Variants in CPQ observed in about 807,000 individuals in gnomAD.
CPQ encodes the protein carboxypeptidase Q.
A neutral mutation model predicts 45.7 loss-of-function variants in CPQ; 37 were observed. The observed-to-expected ratio is 0.81, with a 90% CI of 0.62 to 1.07. The LOEUF is 1.07. CPQ is among the 50% of genes least tolerant of loss of function. The pLI is 0.00. For missense variants in CPQ, 537 were observed against 572.9 expected, an observed-to-expected ratio of 0.94 and a Z score of 0.64; for synonymous variants, 186 against 205.8, an observed-to-expected ratio of 0.90 and a Z score of 0.82.
At chr8:97,050,524 A>G (rs989476871) in intron 6 of CPQ, among the ~76,000 whole-genome samples, 3 of 152,194 alleles carry the variant, frequency 2.0e-5, no homozygotes, top group African/African-American at 7.2e-5. Context: ...GAAATATGGT[A>G]TTTTATCTTT....
chr8:96,839,270 A>G (rs1205592098), intron 3 of CPQ, among the ~76,000 whole-genome samples: 2 of 151,992 alleles, frequency 1.3e-5, no homozygotes, highest in African/African-American at 4.8e-5. Flanking sequence ...TCCTGAAAAA[A>G]TGTCCATTGC....
chr8:97,019,109 A>G (rs1809630667), intron 5 of CPQ, among the ~76,000 whole-genome samples: 1 of 152,198 alleles, frequency 6.6e-6, no homozygotes, highest in Non-Finnish European at 1.5e-5. Context: ...TCAGCCAAGA[A>G]TTTTGTACCC....
intron 1 of CPQ, among the ~76,000 whole-genome samples, chr8:96,713,512 C>T (rs758121329): frequency 1.3e-5 from 2 of 152,188 alleles, no homozygotes; most frequent in African/African-American, 2.4e-5. Context: ...CATCCTTCTT[C>T]ACATGGTGCC....
Position 97,143,461 on chromosome 8 carries a change from T to G in CPQ, c.*278T>G, listed in dbSNP as rs1259297617. ...CACCTCTTAAAAACATTGTTTCCAC[T>G]TTAAAAGTAAACACTTAATAAATTT... On this transcript the variant is annotated 3_prime_UTR_variant, in exon 8 of 8. Transcript: ENST00000220763. 3.2e-5 allele frequency: 8 copies of G among 247,458 alleles called. No homozygotes were observed. The highest frequency in any genetic ancestry group is 1.5e-4 in the Admixed American group (3 of 19,630). 15.3% of individuals were successfully genotyped at this position (247,458 alleles called of 1,614,324 possible).
At chr8:96,706,910 G>A (rs1809536915) in intron 1 of CPQ, among the ~76,000 whole-genome samples, 1 of 152,126 alleles carries the variant, frequency 6.6e-6, no homozygotes. Flanking sequence ...GGAGTAAGCT[G>A]AAGTAAAAAG....
At chr8:96,929,271 G>A (rs1436491353) in intron 4 of CPQ, among the ~76,000 whole-genome samples, 1 of 152,168 alleles carries the variant, frequency 6.6e-6, no homozygotes, top group Non-Finnish European at 1.5e-5. Flanking sequence ...TCAGCATGAG[G>A]AAGGTCTTAT....
intron 7 of CPQ, among the ~76,000 whole-genome samples, chr8:97,105,879 T>C (rs1811394981): frequency 6.6e-6 from 1 of 152,234 alleles, no homozygotes; most frequent in Admixed American, 6.5e-5. Flanking sequence ...TTTCTACAGC[T>C]ATTTGGTAAT....
At chr8:96,722,107 G>A (rs1412621209) in intron 1 of CPQ, among the ~76,000 whole-genome samples, 5 of 151,884 alleles carry the variant, frequency 3.3e-5, no homozygotes, top group African/African-American at 2.4e-5. Context: ...GATTTTATTT[G>A]TCTTGTCCAG....
At chr8:96,904,936 A>G (rs1812556882) in intron 4 of CPQ, among the ~76,000 whole-genome samples, 2 of 152,158 alleles carry the variant, frequency 1.3e-5, no homozygotes, top group South Asian at 4.1e-4. Context: ...AAGCATGGAT[A>G]TTCTTTGATT....
chr8:96,807,111 CAG>C (rs1811088993), intron 2 of CPQ, among the ~76,000 whole-genome samples: 1 of 152,076 alleles, frequency 6.6e-6, no homozygotes, highest in Non-Finnish European at 1.5e-5. Flanking sequence ...GAAATAAGGA[CAG>C]AGGAAATTAA....
At chr8:96,924,690 C>T (rs1812850221) in intron 4 of CPQ, among the ~76,000 whole-genome samples, 1 of 152,100 alleles carries the variant, frequency 6.6e-6, no homozygotes, top group African/African-American at 2.4e-5. Context: ...ACCCATCTTT[C>T]AGAGAAGAGG....
chr8:96,912,711 C>G (rs73279840), intron 4 of CPQ, among the ~76,000 whole-genome samples: 6,020 of 152,152 alleles, frequency 0.04, 393 homozygotes, highest in African/African-American at 0.14. Flanking sequence ...TGACCTACCT[C>G]GAAGGAGTAT....
chr8:96,847,040 A>C (rs1811701545), intron 3 of CPQ, among the ~76,000 whole-genome samples: 1 of 152,216 alleles, frequency 6.6e-6, no homozygotes, highest in Non-Finnish European at 1.5e-5. Context: ...CTATATGGAT[A>C]ATGTCATGCC....
At chr8:96,880,518 CATATATATA>C (rs1812207157) in intron 4 of CPQ, among the ~76,000 whole-genome samples, 13 of 97,326 alleles carry the variant, frequency 1.3e-4, no homozygotes, top group Admixed American at 3.4e-4. Flanking sequence ...AATATATGGT[CATATATATA>C]TATATATATA....
chr8:96,822,564 T>A (rs1811323186), intron 2 of CPQ, among the ~76,000 whole-genome samples: 1 of 152,026 alleles, frequency 6.6e-6, no homozygotes, highest in Non-Finnish European at 1.5e-5. Context: ...GATTCCCTTT[T>A]CTACTTATCC....
At chr8:96,978,640 A>G (rs1342810331) in intron 5 of CPQ, among the ~76,000 whole-genome samples, 2 of 152,148 alleles carry the variant, frequency 1.3e-5, no homozygotes, top group Non-Finnish European at 2.9e-5. Context: ...TCCCCGATGT[A>G]TGCTTTGATT....
intron 4 of CPQ, among the ~76,000 whole-genome samples, chr8:96,890,150 A>G (rs1054435390): frequency 5.9e-5 from 9 of 152,248 alleles, no homozygotes; most frequent in African/African-American, 1.9e-4. Flanking sequence ...ATGCTATTAC[A>G]TAAAGTTAAC....
intron 5 of CPQ, among the ~76,000 whole-genome samples, chr8:97,015,768 C>T (rs368007302): frequency 6.6e-6 from 1 of 152,020 alleles, no homozygotes; most frequent in African/African-American, 2.4e-5. Context: ...AGAATAAAAT[C>T]CTTAAATGCC....
At chr8:96,794,595 C>T (rs952092645) in intron 2 of CPQ, among the ~76,000 whole-genome samples, 2 of 152,184 alleles carry the variant, frequency 1.3e-5, no homozygotes, top group Admixed American at 1.3e-4. Context: ...ATTTCTTCAG[C>T]CAGCTTGGAT....
Sources: gnomAD v4.1 joint callset for allele counts (sites outside exome capture counted in the v4.1 genomes callset) on GRCh38, gnomAD v4.1.1 for gene constraint, MANE v1.5 for transcripts, NCBI Gene and HGNC (gene_info 2026-07-23, HGNC 2026-07-21) for gene names.